Variants in ADA observed in about 807,000 individuals in gnomAD.
The protein encoded by ADA is adenosine aminohydrolase.
Under a neutral mutation model 49.0 loss-of-function variants are expected in ADA, and 45 were observed. That is an observed-to-expected ratio of 0.92 (90% CI 0.72 to 1.18). The LOEUF (loss-of-function observed/expected upper bound fraction) is 1.18. ADA is among the 50% of genes most tolerant of loss of function. The pLI, the probability that ADA is intolerant of heterozygous loss-of-function variation, is 0.00. For synonymous variants in ADA, 173 were observed against 184.2 expected (o/e 0.94, Z 0.49); for missense variants, 445 against 472.5 (o/e 0.94, Z 0.54).
intron 1 of ADA, among the ~76,000 whole-genome samples, chr20:44,641,704 T>A (rs756570214): frequency 3.3e-5 from 5 of 151,634 alleles, no homozygotes; most frequent in African/African-American, 7.3e-5. Flanking sequence ...TGGGTGGGAC[T>A]GGTGGGGGGA....
chr20:44,642,429 T>C (rs1053486452), intron 1 of ADA, among the ~76,000 whole-genome samples: 1 of 152,044 alleles, frequency 6.6e-6, no homozygotes, highest in African/African-American at 2.4e-5. Context: ...TTAGAAAGTG[T>C]GTTGGGAAAA....
intron 1 of ADA, among the ~76,000 whole-genome samples, chr20:44,638,573 A>T (rs1187094403): frequency 6.6e-6 from 1 of 152,152 alleles, no homozygotes; most frequent in Non-Finnish European, 1.5e-5. Flanking sequence ...GCGAAACTGC[A>T]TCTCAAAAAT....
intron 11 of ADA, 81 bp downstream of exon 11, chr20:44,620,218 G>A: frequency 8.2e-7 from 1 of 1,222,550 alleles, no homozygotes. Context: ...AGAATGGAAG[G>A]GCATCTTGCT....
chr20:44,619,936 G>T, intron 11 of ADA, 89 bp from the exon 12 acceptor site: 2 of 1,543,628 alleles, frequency 1.3e-6, no homozygotes, highest in Non-Finnish European at 1.8e-6. Context: ...AACCAGAAAG[G>T]AACTCCTTCC....
chr20:44,634,533 G>A (rs138416523), intron 2 of ADA, among the ~76,000 whole-genome samples: 1 of 152,252 alleles, frequency 6.6e-6, no homozygotes, highest in Non-Finnish European at 1.5e-5. Flanking sequence ...CTCCTCATCT[G>A]TAAATGACGG....
chr20:44,634,976 G>A (rs1044850500), intron 2 of ADA, among the ~76,000 whole-genome samples: 3 of 152,250 alleles, frequency 2.0e-5, no homozygotes, highest in African/African-American at 7.2e-5. Flanking sequence ...ACAGGTCTGC[G>A]GGGGCAGGGC....
chr20:44,643,077 G>A (rs2065553161), intron 1 of ADA, among the ~76,000 whole-genome samples: 1 of 152,192 alleles, frequency 6.6e-6, no homozygotes, highest in Non-Finnish European at 1.5e-5. Context: ...CTAGAAAACT[G>A]CAACACACCA....
At chr20:44,646,606 C>A (rs1179847222) in intron 1 of ADA, among the ~76,000 whole-genome samples, 1 of 151,962 alleles carries the variant, frequency 6.6e-6, no homozygotes, top group Non-Finnish European at 1.5e-5. Flanking sequence ...ATGTCAGTTT[C>A]CCCAAGAACC....
chr20:44,641,692 T>TGTGGGTGGGACTG (rs1303913028), intron 1 of ADA, among the ~76,000 whole-genome samples: 1 of 151,844 alleles, frequency 6.6e-6, no homozygotes, highest in Non-Finnish European at 1.5e-5. Context: ...CACGTCCGCT[T>TGTGGGTGGGACTG]GTGGGTGGGA....
chr20:44,623,992 CTGCCTCGCCTCCCAAAG>C (rs1286880802), intron 6 of ADA, 193 bp downstream of exon 6: 10 of 624,922 alleles, frequency 1.6e-5, no homozygotes, highest in South Asian at 4.6e-5. Flanking sequence ...AGCAATCCTC[CTGCCTCGCCTCCCAAAG>C]TGCTGGGATC....
At chr20:44,635,877 G>A (rs1351789823) in intron 2 of ADA, among the ~76,000 whole-genome samples, 4 of 151,702 alleles carry the variant, frequency 2.6e-5, no homozygotes, top group African/African-American at 7.3e-5. Context: ...CAGCCTGGGC[G>A]ACAGAGCAAG....
In ADA at chr20:44,625,655, G is replaced by A; in HGVS notation, c.392C>T (p.Ala131Val). The A allele has an allele frequency of 6.4e-7, 1 of 1,572,358 alleles. No homozygotes were observed. The highest frequency in any genetic ancestry group is 8.6e-7 in the Non-Finnish European group (1 of 1,158,070). ...CTCCTGCAGGCCCTGGCCCACTAGGGCCACCACCTCGTCTGGGGTGAGGTC... is the reference window on the plus strand; with the variant it reads ...CTCCTGCAGGCCCTGGCCCACTAGGACCACCACCTCGTCTGGGGTGAGGTC... ...EGDLTPDEVVALVGQGLQEGE... is the reference protein window; with the variant it reads ...EGDLTPDEVVVLVGQGLQEGE... The change falls in exon 5 of 12, where the codon GCC becomes GTC. Residue 131 changes from alanine to valine, a missense_variant. Physicochemically the swap from Ala to Val is moderately conservative, Grantham distance 64. Transcript: ENST00000372874.
At chr20:44,642,969 G>T (rs2065551734) in intron 1 of ADA, among the ~76,000 whole-genome samples, 1 of 152,098 alleles carries the variant, frequency 6.6e-6, no homozygotes, top group Non-Finnish European at 1.5e-5. Flanking sequence ...TCTCACGGCT[G>T]CCTGAGAAGA....
rs1412399958 is a variant in ADA at position 44,631,701 on chromosome 20, T to C, written c.96-2532A>G. Among the ~76,000 whole-genome samples the C allele has an allele frequency of 2.0e-5, 3 of 152,212 alleles. No individual in the cohort carries two copies. The East Asian group carries it at 5.8e-4, about 29-fold the overall frequency. ...TCGTTCTCTCTCAGACTCTGCCTTT[T>C]ACACACCTGGCCAGGCCAACTCATC... On this transcript the variant is annotated intron_variant, in intron 2 of 11. Coordinates refer to ENST00000372874, the MANE Select transcript of ADA (RefSeq NM_000022.4).
intron 1 of ADA, among the ~76,000 whole-genome samples, chr20:44,643,396 C>A (rs2065556322): frequency 6.6e-6 from 1 of 152,192 alleles, no homozygotes. Context: ...CCTCTGTGGG[C>A]CTAGCCTCAG....
intron 6 of ADA, 140 bp downstream of exon 6, chr20:44,624,062 C>T (rs2065358933): frequency 1.6e-6 from 2 of 1,285,874 alleles, no homozygotes; most frequent in Middle Eastern, 1.8e-4. Context: ...GATTCCAGTT[C>T]CAAGCCTTAA....
chr20:44,628,854 A>C (rs532366287), intron 3 of ADA, among the ~76,000 whole-genome samples, 193 bp downstream of exon 3: 1 of 152,298 alleles, frequency 6.6e-6, no homozygotes, highest in African/African-American at 2.4e-5. Flanking sequence ...ATTTCAGTCC[A>C]TCACACCCAC....
At chr20:44,626,429 A>G (rs1568845926) in intron 4 of ADA, 27 bp downstream of exon 4, 1 of 1,613,122 alleles carries the variant, frequency 6.2e-7, no homozygotes, top group East Asian at 2.2e-5. Context: ...CACCCTCAGC[A>G]TGGCCCCTTC....
In ADA at chr20:44,619,803, C is replaced by T. The variant is rs1411029247; in HGVS notation, c.*31G>A. The T allele has an allele frequency of 1.2e-6, 2 of 1,614,122 alleles. No homozygotes were observed. The highest frequency in any genetic ancestry group is 3.3e-5 in the Admixed American group (2 of 60,018). ...CAGCCCCACAGAGTTGGGGTGACTCCACAGGGTGAAGGCTTGGAGGAGTGG... is the reference window on the plus strand; with the variant it reads ...CAGCCCCACAGAGTTGGGGTGACTCTACAGGGTGAAGGCTTGGAGGAGTGG... On this transcript the variant is annotated 3_prime_UTR_variant, in exon 12 of 12. Transcript: ENST00000372874.
Sources: allele counts gnomAD v4.1 joint callset (sites outside exome capture counted in the v4.1 genomes callset), GRCh38; gene constraint gnomAD v4.1.1; transcripts MANE v1.5; gene names NCBI Gene and HGNC (gene_info 2026-07-23, HGNC 2026-07-21).